The following SPATA31G1 variants were observed in gnomAD, a reference collection of about 807,000 sequenced individuals.
SPATA31G1 encodes spermatogenesis-associated protein 31G1.
the SPATA31G1 span, chr9:35,045,098 G>T: frequency 1.1e-5 from 18 of 1,614,098 alleles, no homozygotes; most frequent in East Asian, 4.0e-4. Context: ...CAGACTTCTG[G>T]GGACTCCCTT....
chr9:35,042,116 A>G, the SPATA31G1 span: 1 of 1,328,388 alleles, frequency 7.5e-7, no homozygotes, highest in Non-Finnish European at 1.0e-6. Flanking sequence ...TGAAGCATGA[A>G]TTGCCTGATA....
chr9:35,044,830 C>A, the SPATA31G1 span: 1 of 1,614,136 alleles, frequency 6.2e-7, no homozygotes, highest in East Asian at 2.2e-5. Flanking sequence ...CAGCCTCCCA[C>A]CCTAGCTGAA....
At chr9:35,042,068 C>A in the SPATA31G1 span, 5 of 826,726 alleles carry the variant, frequency 6.0e-6, no homozygotes, top group Admixed American at 2.9e-5. Context: ...TAATTCTGAA[C>A]TGGGCAATCA....
chr9:35,045,361 T>C, the SPATA31G1 span: 1 of 1,613,998 alleles, frequency 6.2e-7, no homozygotes, highest in East Asian at 2.2e-5. Context: ...GAGGCTGGTG[T>C]GGACTATCTA....
chr9:35,042,516 A>G, the SPATA31G1 span: 2 of 1,613,744 alleles, frequency 1.2e-6, no homozygotes, highest in Non-Finnish European at 1.7e-6. Context: ...CAGCTGGATG[A>G]ATGACTGCTG....
the SPATA31G1 span, chr9:35,042,800 T>C: frequency 3.2e-6 from 5 of 1,566,126 alleles, no homozygotes; most frequent in African/African-American, 2.7e-5. Context: ...GAGTGCCTCA[T>C]AGCAAACCTT....
At chr9:35,044,412 A>G in the SPATA31G1 span, 8 of 1,614,040 alleles carry the variant, frequency 5.0e-6, no homozygotes, top group Admixed American at 6.7e-5. Context: ...ACAAAAGACA[A>G]AAAACTCCTG....
the SPATA31G1 span, chr9:35,045,138 A>G: frequency 3.1e-6 from 5 of 1,613,594 alleles, no homozygotes; most frequent in South Asian, 4.4e-5. Flanking sequence ...TTATCCCCCC[A>G]ATCCATGCCC....
the SPATA31G1 span, chr9:35,045,013 G>C: frequency 6.2e-7 from 1 of 1,614,142 alleles, no homozygotes. Flanking sequence ...AAGAAACTGC[G>C]GCAGAGCCCT....
the SPATA31G1 span, chr9:35,042,482 C>T: frequency 1.9e-6 from 3 of 1,614,150 alleles, no homozygotes; most frequent in South Asian, 3.3e-5. Context: ...TGGTGCAAGG[C>T]AAGGTGGGTG....
chr9:35,045,675 C>T, the SPATA31G1 span: 3 of 1,614,188 alleles, frequency 1.9e-6, no homozygotes, highest in Non-Finnish European at 2.5e-6. Flanking sequence ...TTCGGGTCCC[C>T]AGGATCAGCC....
chr9:35,044,392 G>A, the SPATA31G1 span: 1 of 1,614,096 alleles, frequency 6.2e-7, no homozygotes, highest in Non-Finnish European at 8.5e-7. Context: ...GAAGCTAGAT[G>A]TGGGGACATA....
the SPATA31G1 span, chr9:35,045,114 CCA>C: frequency 6.2e-7 from 1 of 1,614,180 alleles, no homozygotes; most frequent in Non-Finnish European, 8.5e-7. Flanking sequence ...CCCTTCCTGC[CCA>C]CCACAGCAGA....
chr9:35,042,988 G>A, the SPATA31G1 span: 5 of 1,614,170 alleles, frequency 3.1e-6, no homozygotes, highest in Admixed American at 1.7e-5. Flanking sequence ...CTGAAGCCAT[G>A]TTCTCCTACC....
At chr9:35,045,131 T>C in the SPATA31G1 span, 1 of 1,613,960 alleles carries the variant, frequency 6.2e-7, no homozygotes. Flanking sequence ...AGCAGATTTA[T>C]CCCCCCAATC....
the SPATA31G1 span, chr9:35,045,517 T>C: frequency 6.2e-7 from 1 of 1,614,114 alleles, no homozygotes; most frequent in African/African-American, 1.3e-5. Context: ...ACTGCAAGGT[T>C]GGGGTTATCC....
At chr9:35,043,734 T>C in the SPATA31G1 span, 1 of 1,614,200 alleles carries the variant, frequency 6.2e-7, no homozygotes, top group Non-Finnish European at 8.5e-7. Context: ...TAAGGACTTC[T>C]GGGGAACCGT....
the SPATA31G1 span, chr9:35,043,897 T>C: frequency 2.5e-6 from 4 of 1,613,950 alleles, no homozygotes; most frequent in African/African-American, 2.7e-5. Flanking sequence ...TCAGGAAACC[T>C]CTGGGCTTTT....
the SPATA31G1 span, chr9:35,043,614 C>T: frequency 6.2e-7 from 1 of 1,614,212 alleles, no homozygotes; most frequent in Non-Finnish European, 8.5e-7. Context: ...AACCACAGGA[C>T]ACAAAAAGAT....
Sources: allele counts gnomAD v4.1 joint callset, GRCh38; gene constraint gnomAD v4.1.1; transcripts MANE v1.5; gene names NCBI Gene and HGNC (gene_info 2026-07-23, HGNC 2026-07-21).